Variants in PRDM1 observed in about 807,000 individuals in gnomAD.
PRDM1 encodes the protein PR/SET domain 1.
PRDM1 carries 13 observed loss-of-function variants against 62.8 expected under a neutral mutation model. That is an observed-to-expected ratio of 0.21 (90% CI 0.13 to 0.33). PRDM1 has a LOEUF of 0.33. PRDM1 is among the 10% of genes least tolerant of loss of function. The probability of loss-of-function intolerance (pLI) is 1.00; values close to 1 mark genes in which losing one functional copy is unlikely to be tolerated. For synonymous variants in PRDM1, 396 were observed against 417.6 expected (o/e 0.95, Z 0.63); for missense variants, 895 against 1,058.8 (o/e 0.85, Z 2.15).
At chr6:106,099,598 G>C (rs774798946) in intron 4 of PRDM1, 46 bp downstream of exon 4, 1 of 1,603,592 alleles carries the variant, frequency 6.2e-7, no homozygotes, top group East Asian at 2.2e-5. Context: ...CAGTAATGTC[G>C]GTTCTGCCCC....
At chr6:106,022,511 C>T (rs1772707536) in intron 1 of PRDM1, among the ~76,000 whole-genome samples, 1 of 151,624 alleles carries the variant, frequency 6.6e-6, no homozygotes, top group Non-Finnish European at 1.5e-5. Flanking sequence ...TCACTGCAAC[C>T]TCCGCCTCTT....
In PRDM1 at chr6:106,108,281, C is replaced by T; in HGVS notation, c.*795C>T. 1 of 233,760 alleles carries T rather than the reference C, an allele frequency of 4.3e-6. No individual in the cohort carries two copies. Among genetic ancestry groups the T allele is most frequent in the Middle Eastern group, 1.3e-3 (1 of 786 alleles). 14.5% of individuals were successfully genotyped at this position (233,760 alleles called of 1,614,324 possible). A position where few individuals can be genotyped will look rare whatever the true frequency, so the allele number is the denominator to read the frequency against. On this transcript the variant is annotated 3_prime_UTR_variant, in exon 7 of 7. Transcript: ENST00000369096. The stretch of plus-strand genomic sequence containing the variant: ...AAGGGTGACAGGAAGGCTTTACCAA[C>T]CTGTCTCTCCCTCCAAAAGAGCAGA...
At chr6:106,081,468 G>A (rs1412201596), upstream of PRDM1, among the ~76,000 whole-genome samples, 1 of 152,216 alleles carries the variant, frequency 6.6e-6, no homozygotes, top group Non-Finnish European at 1.5e-5. Context: ...CCAAAAAAGA[G>A]TCTGGGAGAG....
At position 106,105,455 on chromosome 6, in the gene PRDM1, A is replaced by G; in HGVS notation, c.1295A>G (p.Asn432Ser). Residue 432 changes from asparagine to serine, a missense_variant, in exon 5 of 7, where the codon AAT becomes AGT. Physicochemically the swap from Asn to Ser is conservative, Grantham distance 46. Transcript: ENST00000369096. ...CNGLSAVSSM[N>S]GINNFGLFPR... Reference sequence around the variant, plus strand: ...GGCCTGAGCGCTGTGAGCAGCATGAATGGCATCAACAACTTTGGCCTCTTC... The same window carrying G: ...GGCCTGAGCGCTGTGAGCAGCATGAGTGGCATCAACAACTTTGGCCTCTTC... 1 of 1,614,158 alleles carries G rather than the reference A, an allele frequency of 6.2e-7. No homozygotes were observed. The highest frequency in any genetic ancestry group is 8.5e-7 in the Non-Finnish European group (1 of 1,180,030).
rs879182326 is a variant in PRDM1 at position 106,105,199 on chromosome 6, C to T, written c.1039C>T (p.Leu347Phe). 2.5e-6 allele frequency: 4 copies of T among 1,613,628 alleles called. No individual in the cohort carries two copies. The South Asian group carries it at 4.4e-5, about 18-fold the overall frequency. Reference sequence around the variant, plus strand: ...TGCAAGAAGCAGCCCCGACCAAAGCCTCAAGAGCTCCAGCCCTCACAGCAG... The same window carrying T: ...TGCAAGAAGCAGCCCCGACCAAAGCTTCAAGAGCTCCAGCCCTCACAGCAG... Reference protein sequence around the residue: ...PSARSSPDQSLKSSSPHSSPG... With the variant: ...PSARSSPDQSFKSSSPHSSPG... Residue 347 changes from leucine (L) to phenylalanine (F), a missense_variant, in exon 5 of 7, where the codon CTC becomes TTC. Coordinates refer to ENST00000369096, the MANE Select transcript of PRDM1 (RefSeq NM_001198.4).
intron 1 of PRDM1, among the ~76,000 whole-genome samples, chr6:106,031,478 T>A (rs1247147652): frequency 6.6e-6 from 1 of 152,226 alleles, no homozygotes; most frequent in East Asian, 1.9e-4. Context: ...TGTTGGGGAA[T>A]TTAACTTTGG....
At chr6:106,040,386 A>G (rs2114574786) in intron 1 of PRDM1, among the ~76,000 whole-genome samples, 1 of 152,334 alleles carries the variant, frequency 6.6e-6, no homozygotes, top group Non-Finnish European at 1.5e-5. Context: ...GCACACATGA[A>G]TACGAGCACA....
intron 4 of PRDM1, chr6:106,100,678 G>C (rs1357506714): frequency 6.6e-6 from 1 of 152,112 alleles, no homozygotes; most frequent in African/African-American, 2.4e-5. Flanking sequence ...ATGGTTATTT[G>C]GTATTCATTC....
At chr6:106,003,919 G>A (rs1035642035) in intron 1 of PRDM1, among the ~76,000 whole-genome samples, 1 of 152,188 alleles carries the variant, frequency 6.6e-6, no homozygotes, top group Non-Finnish European at 1.5e-5. Context: ...CAAAGGGAGA[G>A]TGAGTGGTGA....
At chr6:106,104,750 G>T in intron 4 of PRDM1, 75 bp from the exon 5 acceptor site, 2 of 1,491,210 alleles carry the variant, frequency 1.3e-6, no homozygotes, top group Non-Finnish European at 1.8e-6. Flanking sequence ...TTCTCAAGAA[G>T]GAGGAGCAAC....
At chr6:106,069,616 G>A (rs1038834847) in intron 1 of PRDM1, among the ~76,000 whole-genome samples, 4 of 152,226 alleles carry the variant, frequency 2.6e-5, no homozygotes, top group Admixed American at 1.3e-4. Flanking sequence ...CTCAGATACC[G>A]TGGAGAAAGA....
intron 1 of PRDM1, among the ~76,000 whole-genome samples, chr6:106,075,477 A>C (rs1293724051): frequency 6.6e-6 from 1 of 152,232 alleles, no homozygotes; most frequent in Non-Finnish European, 1.5e-5. Flanking sequence ...TGAGAAATGC[A>C]AGACATTTTC....
chr6:106,047,612 G>T (rs1368830634), upstream of PRDM1, among the ~76,000 whole-genome samples: 1 of 152,224 alleles, frequency 6.6e-6, no homozygotes, highest in Non-Finnish European at 1.5e-5. Context: ...GCCCTCTTCT[G>T]TCATCCTTAT....
intron 2 of PRDM1, among the ~76,000 whole-genome samples, chr6:106,090,245 T>C (rs925954120): frequency 3.3e-5 from 5 of 152,192 alleles, no homozygotes; most frequent in African/African-American, 1.2e-4. Context: ...CCTTAAGCTA[T>C]TTTGTGTTTT....
intron 1 of PRDM1, among the ~76,000 whole-genome samples, chr6:106,061,772 T>TTG (rs1773349029): frequency 6.6e-6 from 1 of 152,218 alleles, no homozygotes; most frequent in African/African-American, 2.4e-5. Flanking sequence ...TTTCAAGGCA[T>TTG]TGGGAGATTT....
In PRDM1 at chr6:106,098,042, TTCCTTTTTATTTC is replaced by T. The variant is rs1233001281; in HGVS notation, c.412-1256_412-1244del. 18 of 202,066 alleles carry T rather than the reference TTCCTTTTTATTTC, an allele frequency of 8.9e-5. No homozygotes were observed. The Admixed American group carries it at 9.8e-4, about 11-fold the overall frequency. 12.5% of individuals were successfully genotyped at this position (202,066 alleles called of 1,614,324 possible). ...TACCGCCTGTGTTAAAGGGACAGAG[TTCCTTTTTATTTC>T]TGATAACGTTTGAGCGAAATACAGA... is the stretch of plus-strand genomic sequence containing the variant. On this transcript the variant is annotated intron_variant, in intron 3 of 6. Coordinates refer to ENST00000369096, the MANE Select transcript of PRDM1 (RefSeq NM_001198.4).
intron 2 of PRDM1, 39 bp from the exon 3 acceptor site, chr6:106,095,576 T>C (rs1774090846): frequency 1.6e-5 from 25 of 1,602,346 alleles, no homozygotes; most frequent in Non-Finnish European, 2.1e-5. Context: ...TAACATTTTA[T>C]AGTCAAAGTA....
intron 1 of PRDM1, among the ~76,000 whole-genome samples, chr6:106,004,050 T>G (rs933794374): frequency 4.6e-5 from 7 of 152,144 alleles, no homozygotes; most frequent in Admixed American, 3.3e-4. Flanking sequence ...TTCTGAAATC[T>G]ATATCTGAGA....
At chr6:106,095,509 T>C in intron 2 of PRDM1, 106 bp from the exon 3 acceptor site, 3 of 1,290,028 alleles carry the variant, frequency 2.3e-6, no homozygotes, top group South Asian at 1.5e-5. Context: ...CAAAATTTTA[T>C]CATTGTTAGT....
Sources: gnomAD v4.1 joint callset for allele counts (sites outside exome capture counted in the v4.1 genomes callset) on GRCh38, gnomAD v4.1.1 for gene constraint, MANE v1.5 for transcripts, NCBI Gene and HGNC (gene_info 2026-07-23, HGNC 2026-07-21) for gene names.